The following PAM variants were observed in gnomAD, a reference collection of about 807,000 sequenced individuals.
The protein encoded by PAM is peptidyl-glycine alpha-amidating monooxygenase.
In PAM, 72 loss-of-function variants were observed where a neutral mutation model predicts 122.1. That is an observed-to-expected ratio of 0.59 (90% CI 0.49 to 0.72). The LOEUF (loss-of-function observed/expected upper bound fraction) is 0.72. Ranked by LOEUF, PAM falls within the 30% of genes least tolerant of loss-of-function variation. PAM has a pLI of 0.00. For synonymous variants in PAM, 389 were observed against 404.4 expected (o/e 0.96, Z 0.46); for missense variants, 1,106 against 1,183.7 (o/e 0.93, Z 0.96).
At chr5:102,763,599 G>A (rs1167774311) in intron 1 of PAM, among the ~76,000 whole-genome samples, 1 of 152,228 alleles carries the variant, frequency 6.6e-6, no homozygotes, top group Non-Finnish European at 1.5e-5. Context: ...AGGAACCTGA[G>A]GAAGTGACAC....
chr5:102,813,467 A>G (rs910043847), intron 1 of PAM, among the ~76,000 whole-genome samples: 4 of 152,180 alleles, frequency 2.6e-5, no homozygotes, highest in African/African-American at 4.8e-5. Context: ...AACTACTCCA[A>G]AGACATTGCA....
chr5:102,926,555 T>C, intron 6 of PAM, 30 bp from the exon 7 acceptor site: 1 of 1,266,436 alleles, frequency 7.9e-7, no homozygotes, highest in Non-Finnish European at 1.2e-6. Context: ...TGCTCATTTC[T>C]AATATATTAA....
intron 1 of PAM, among the ~76,000 whole-genome samples, chr5:102,843,267 G>A (rs1312759177): frequency 1.3e-5 from 2 of 152,106 alleles, no homozygotes; most frequent in Admixed American, 1.3e-4. Context: ...TCCCTTCAAA[G>A]TTACTATTAA....
At chr5:102,759,314 G>T (rs146492219) in intron 1 of PAM, among the ~76,000 whole-genome samples, 6 of 152,246 alleles carry the variant, frequency 3.9e-5, no homozygotes, top group Non-Finnish European at 8.8e-5. Flanking sequence ...ATGAGTGGTA[G>T]TTAGCAGCTG....
Position 102,950,464 on chromosome 5 carries a change from C to A in PAM, c.802-253C>A, listed in dbSNP as rs149505864. ...GTCTATTTCACTGTCTGTCTTCATC[C>A]TCTCTACCCAGAGTGTACCAAGCTT... is the stretch of plus-strand genomic sequence containing the variant. On this transcript the variant is annotated intron_variant, in intron 11 of 25. Transcript: ENST00000438793. Among the ~76,000 whole-genome samples, 73 of 140,454 alleles carry A rather than the reference C, an allele frequency of 5.2e-4. 1 individual carries two copies. The highest frequency in any genetic ancestry group is 2.0e-3 in the African/African-American group (70 of 35,200). 92.1% of individuals were successfully genotyped at this position (140,454 alleles called of 152,430 possible). A position where few individuals can be genotyped will look rare whatever the true frequency, so the allele number is the denominator to read the frequency against.
At chr5:103,028,011 C>G (rs1460251124) in intron 24 of PAM, among the ~76,000 whole-genome samples, 174 bp from the exon 25 acceptor site, 1 of 152,110 alleles carries the variant, frequency 6.6e-6, no homozygotes, top group Non-Finnish European at 1.5e-5. Context: ...AGCTTGGGCC[C>G]TTTATGTATG....
chr5:102,850,351 CT>C (rs1171473621), intron 1 of PAM, among the ~76,000 whole-genome samples: 5 of 152,234 alleles, frequency 3.3e-5, no homozygotes, highest in African/African-American at 1.2e-4. Context: ...CTGATATAAA[CT>C]TCTTCATAAA....
chr5:103,015,898 T>C (rs1349575661), intron 21 of PAM, among the ~76,000 whole-genome samples: 1 of 152,176 alleles, frequency 6.6e-6, no homozygotes, highest in African/African-American at 2.4e-5. Flanking sequence ...ACACATTCCC[T>C]CCTCACCTTT....
At chr5:102,935,267 T>C (rs933127293) in intron 7 of PAM, among the ~76,000 whole-genome samples, 2 of 151,374 alleles carry the variant, frequency 1.3e-5, no homozygotes, top group Non-Finnish European at 2.9e-5. Context: ...ATGTACTTTT[T>C]TCTTTTTTTT....
chr5:102,983,938 A>G (rs922710107), intron 15 of PAM, among the ~76,000 whole-genome samples: 1 of 152,220 alleles, frequency 6.6e-6, no homozygotes, highest in Non-Finnish European at 1.5e-5. Flanking sequence ...ATTCCCAGCA[A>G]AGTTTTCCCA....
chr5:102,971,738 C>T (rs2150403066), intron 14 of PAM, among the ~76,000 whole-genome samples: 1 of 152,306 alleles, frequency 6.6e-6, no homozygotes, highest in South Asian at 2.1e-4. Flanking sequence ...TTATGTTCTA[C>T]TCCATCTGTT....
At chr5:102,805,478 A>G (rs1765978193) in intron 1 of PAM, among the ~76,000 whole-genome samples, 1 of 152,034 alleles carries the variant, frequency 6.6e-6, no homozygotes, top group South Asian at 2.1e-4. Flanking sequence ...TTTTTTCTGA[A>G]TAAAAGAAGG....
At chr5:103,000,173 A>C (rs544683454) in intron 16 of PAM, among the ~76,000 whole-genome samples, 8 of 152,340 alleles carry the variant, frequency 5.3e-5, no homozygotes, top group African/African-American at 1.7e-4. Context: ...TTTGCTGCTT[A>C]GACATTTCTT....
intron 17 of PAM, among the ~76,000 whole-genome samples, chr5:103,004,560 C>T (rs952790041): frequency 3.9e-5 from 6 of 152,152 alleles, no homozygotes; most frequent in Non-Finnish European, 8.8e-5. Context: ...AGGTTCCTTA[C>T]CTAGATCATT....
At chr5:102,820,291 A>G (rs1322857774) in intron 1 of PAM, among the ~76,000 whole-genome samples, 1 of 152,176 alleles carries the variant, frequency 6.6e-6, no homozygotes, top group Non-Finnish European at 1.5e-5. Flanking sequence ...GTGTTGAACC[A>G]TTCATGCAAG....
intron 3 of PAM, 114 bp downstream of exon 3, chr5:102,867,507 C>T: frequency 1.6e-6 from 1 of 615,580 alleles, no homozygotes; most frequent in South Asian, 3.0e-5. Context: ...CATTTGCTTT[C>T]AAGACTCCAG....
rs200231533 is a variant in PAM, at chr5:102,867,336, T to C, written c.153T>C (p.Pro51=). 3.3e-5 allele frequency: 53 copies of C among 1,605,868 alleles called. No individual in the cohort carries two copies. In the South Asian group the frequency reaches 4.6e-4, roughly 14 times the overall value. The stretch of plus-strand genomic sequence containing the variant: ...TTGGTACCACCAGACCCGTAGTTCC[T>C]ATTGATTCATCAGATTTTGCATTGG... The part of the protein sequence containing the change: ...ECLGTTRPVV[P]IDSSDFALDI... The change falls in exon 3 of 26, where the codon CCT becomes CCC. Residue 51 remains proline (P), a synonymous_variant. Coordinates refer to ENST00000438793, the MANE Select transcript of PAM (RefSeq NM_001177306.2).
chr5:102,883,967 G>T (rs1792154392), intron 3 of PAM, among the ~76,000 whole-genome samples: 1 of 151,672 alleles, frequency 6.6e-6, no homozygotes. Flanking sequence ...CTCTTGAGAT[G>T]ATCATGTGTT....
intron 22 of PAM, among the ~76,000 whole-genome samples, chr5:103,018,965 T>A (rs2151265188): frequency 6.6e-6 from 1 of 152,270 alleles, no homozygotes; most frequent in South Asian, 2.1e-4. Flanking sequence ...CCTATGAGAA[T>A]CTAATGACAC....
Sources: gnomAD v4.1 joint callset for allele counts (sites outside exome capture counted in the v4.1 genomes callset) on GRCh38, gnomAD v4.1.1 for gene constraint, MANE v1.5 for transcripts, NCBI Gene and HGNC (gene_info 2026-07-23, HGNC 2026-07-21) for gene names.